The following RIC8B variants were observed in gnomAD, a reference collection of about 807,000 sequenced individuals.
The protein encoded by RIC8B is RIC8 guanine nucleotide exchange factor B, also known as chaperone Ric-8B.
Under a neutral mutation model 57.5 loss-of-function variants are expected in RIC8B, and 16 were observed. The ratio of observed to expected loss-of-function variants is 0.28; its 90% CI spans 0.19 to 0.42. RIC8B has a LOEUF of 0.42. Among genes scored for constraint, RIC8B ranks in the 10% least tolerant of loss-of-function variants. RIC8B has a pLI of 1.00. For missense variants in RIC8B, 481 were observed against 677.0 expected (o/e 0.71, Z 3.21); for synonymous variants, 216 against 250.8 (o/e 0.86, Z 1.31).
At chr12:106,861,657 T>G (rs1210118555) in intron 8 of RIC8B, among the ~76,000 whole-genome samples, 1 of 152,122 alleles carries the variant, frequency 6.6e-6, no homozygotes, top group Non-Finnish European at 1.5e-5. Context: ...GAATCCTGCT[T>G]CTTTCTTTCC....
chr12:106,783,282 GTCTC>G (rs1380168542), intron 1 of RIC8B, among the ~76,000 whole-genome samples: 2 of 152,006 alleles, frequency 1.3e-5, no homozygotes, highest in African/African-American at 4.8e-5. Context: ...AACTGTCACA[GTCTC>G]TCTATGAACT....
chr12:106,855,142 T>C (rs763844452), intron 7 of RIC8B, among the ~76,000 whole-genome samples: 1 of 152,248 alleles, frequency 6.6e-6, no homozygotes, highest in South Asian at 2.1e-4. Flanking sequence ...GGCATTATGA[T>C]GTAGGGGCTG....
At chr12:106,857,951 A>G (rs1197553927) in intron 7 of RIC8B, among the ~76,000 whole-genome samples, 2 of 152,176 alleles carry the variant, frequency 1.3e-5, no homozygotes, top group Admixed American at 6.6e-5. Flanking sequence ...CTATGTCTTA[A>G]GTCACCTTTG....
chr12:106,813,822 T>TATA (rs1228120203), intron 2 of RIC8B, among the ~76,000 whole-genome samples: 1 of 152,176 alleles, frequency 6.6e-6, no homozygotes, highest in African/African-American at 2.4e-5. Context: ...TTGCCTCACA[T>TATA]ATAAGGGTAA....
At chr12:106,813,338 G>A (rs375372322) in intron 2 of RIC8B, among the ~76,000 whole-genome samples, 2 of 151,762 alleles carry the variant, frequency 1.3e-5, no homozygotes, top group African/African-American at 2.4e-5. Context: ...TTACAGGCAC[G>A]TGCCACCATG....
At position 106,842,751 on chromosome 12, in the gene RIC8B, A is replaced by G; in HGVS notation, c.999A>G (p.Val333=). 6.2e-7 allele frequency: 1 copy of G among 1,613,880 alleles called. No homozygotes were observed. The highest frequency in any genetic ancestry group is 8.5e-7 in the Non-Finnish European group (1 of 1,179,780). ...CAGTTTTGAAAAACAATACCATGGT[A>G]TACAATGGTATGAATATGGAGGCCA... ...KETVLKNNTM[V]YNGMNMEAIH... Residue 333 remains valine, a synonymous_variant, in exon 5 of 10, where the codon GTA becomes GTG. Coordinates refer to ENST00000392837, the MANE Select transcript of RIC8B (RefSeq NM_001330145.2).
At chr12:106,793,327 C>T (rs950941018) in intron 2 of RIC8B, among the ~76,000 whole-genome samples, 1 of 152,182 alleles carries the variant, frequency 6.6e-6, no homozygotes, top group South Asian at 2.1e-4. Flanking sequence ...AGAAGCAAGC[C>T]TTATAAAAGA....
intron 9 of RIC8B, among the ~76,000 whole-genome samples, chr12:106,878,616 A>G (rs1950778741): frequency 6.6e-6 from 1 of 152,198 alleles, no homozygotes; most frequent in Non-Finnish European, 1.5e-5. Flanking sequence ...TTAAACTGTC[A>G]GGATTCTTTT....
intron 9 of RIC8B, among the ~76,000 whole-genome samples, chr12:106,885,098 A>T (rs923473930): frequency 1.3e-5 from 2 of 152,204 alleles, no homozygotes; most frequent in Admixed American, 6.5e-5. Flanking sequence ...CATGTAATAA[A>T]TAAGAGCCTA....
At position 106,804,892 on chromosome 12, in the gene RIC8B, G is replaced by A. The variant is rs141161910; in HGVS notation, c.133-9804G>A. Among the ~76,000 whole-genome samples, 302 of 152,252 alleles carry A rather than the reference G, an allele frequency of 2.0e-3. 3 individuals are homozygous for A. Among genetic ancestry groups the A allele is most frequent in the African/African-American group, 6.8e-3 (281 of 41,516 alleles). On this transcript the variant is annotated intron_variant, in intron 2 of 9. Coordinates refer to ENST00000392837, the MANE Select transcript of RIC8B (RefSeq NM_001330145.2). Reference sequence around the variant, plus strand: ...GCTGGGGGATGGTGAAAAAGATAGCGTTTGATTTGAAGGGAGGAGTGATTC... The same window carrying A: ...GCTGGGGGATGGTGAAAAAGATAGCATTTGATTTGAAGGGAGGAGTGATTC...
intron 7 of RIC8B, among the ~76,000 whole-genome samples, chr12:106,857,135 G>A (rs1474985355): frequency 6.6e-6 from 1 of 152,152 alleles, no homozygotes; most frequent in Admixed American, 6.5e-5. Context: ...GAAGACGTTA[G>A]AGATTTTATC....
At chr12:106,790,370 G>A (rs2044215655) in intron 2 of RIC8B, among the ~76,000 whole-genome samples, 1 of 152,194 alleles carries the variant, frequency 6.6e-6, no homozygotes, top group South Asian at 2.1e-4. Context: ...GCAACTAGAA[G>A]TGCTTACATT....
intron 3 of RIC8B, among the ~76,000 whole-genome samples, chr12:106,821,093 A>G (rs1593202946): frequency 6.6e-6 from 1 of 152,346 alleles, no homozygotes; most frequent in East Asian, 1.9e-4. Context: ...GTATAATGCT[A>G]TGGAAAAAGC....
intron 3 of RIC8B, among the ~76,000 whole-genome samples, 183 bp downstream of exon 3, chr12:106,815,487 G>T (rs1188413764): frequency 6.6e-6 from 1 of 152,186 alleles, no homozygotes; most frequent in Non-Finnish European, 1.5e-5. Context: ...TTCCATTTGT[G>T]TGATAACACC....
intron 4 of RIC8B, among the ~76,000 whole-genome samples, chr12:106,839,007 A>C (rs1199349731): frequency 6.6e-6 from 1 of 151,900 alleles, no homozygotes. Flanking sequence ...AAAAAACCTC[A>C]AAAAACAAAA....
In RIC8B at chr12:106,867,798, C is replaced by CTT. The variant is rs1488732533; in HGVS notation, c.1452-3024_1452-3023dup. On this transcript the variant is annotated intron_variant, in intron 8 of 9. Transcript: ENST00000392837. The surrounding 1 kb of genome is among the most constrained non-coding windows in gnomAD (Gnocchi z 4.3). ...GCTACGCTATACTTCAGTGCCCTAACTTGTGTTTTCTGTGGCTTTTGTTTA... is the reference window on the plus strand; with the variant it reads ...GCTACGCTATACTTCAGTGCCCTAACTTTTGTGTTTTCTGTGGCTTTTGTTTA... Among the ~76,000 whole-genome samples, 1 of 152,142 alleles carries CTT rather than the reference C, an allele frequency of 6.6e-6. No individual in the cohort carries two copies. The highest frequency in any genetic ancestry group is 1.5e-5 in the Non-Finnish European group (1 of 68,028).
chr12:106,825,746 T>G lies in RIC8B; in HGVS notation c.762T>G (p.Arg254=), dbSNP rs1027958682. The change falls in exon 4 of 10, where the codon CGT becomes CGG. Residue 254 remains arginine, a synonymous_variant. Transcript: ENST00000392837. ...CATAGAGTGATTCTCATCAGTTCCG[T>G]GTAATGGCAGCTGTCCTTCGTCATT... ...VHKESDSHQF[R]VMAAVLRHCL... The G allele has an allele frequency of 6.2e-7, 1 of 1,613,450 alleles. No homozygotes were observed. Among genetic ancestry groups the G allele is most frequent in the Non-Finnish European group, 8.5e-7 (1 of 1,179,508 alleles).
At position 106,879,799 on chromosome 12, in the gene RIC8B, C is replaced by T. The variant is rs181826219; in HGVS notation, c.1572-6105C>T. 1 of 985,390 alleles carries T rather than the reference C, an allele frequency of 1.0e-6. No individual in the cohort carries two copies. The highest frequency in any genetic ancestry group is 1.7e-5 in the African/African-American group (1 of 57,360). The allele number at this position is 985,390 out of a possible 1,614,324, so 61.0% of individuals were successfully genotyped here. A position where few individuals can be genotyped will look rare whatever the true frequency, so the allele number is the denominator to read the frequency against. ...GTTGAACATTCTTGGAGGCTTATCT[C>T]TTCCCTGGCCAGATGCCTGATCAGA... On this transcript the variant is annotated intron_variant, in intron 9 of 9. Coordinates refer to ENST00000392837, the MANE Select transcript of RIC8B (RefSeq NM_001330145.2). The surrounding 1 kb of genome is among the most constrained non-coding windows in gnomAD (Gnocchi z 4.9).
At chr12:106,819,736 GAAAAA>G (rs555149043) in intron 3 of RIC8B, among the ~76,000 whole-genome samples, 1 of 84,930 alleles carries the variant, frequency 1.2e-5, no homozygotes, top group Non-Finnish European at 2.4e-5. Flanking sequence ...AGCGTCTCAG[GAAAAA>G]AAAAAAAAAA....
Sources: gnomAD v4.1 joint callset for allele counts (sites outside exome capture counted in the v4.1 genomes callset) on GRCh38, gnomAD v4.1.1 for gene constraint, Gnocchi (gnomAD v3.1) non-coding constraint, MANE v1.5 for transcripts, NCBI Gene and HGNC (gene_info 2026-07-23, HGNC 2026-07-21) for gene names.